The following PCNX4 variants were observed in gnomAD, a reference collection of about 807,000 sequenced individuals.
PCNX4 encodes the protein pecanex 4.
A neutral mutation model predicts 107.2 loss-of-function variants in PCNX4; 103 were observed. The observed-to-expected ratio is 0.96, with a 90% confidence interval of 0.82 to 1.13. PCNX4 has a LOEUF of 1.13. Among genes scored for constraint, PCNX4 ranks in the 50% most tolerant of loss-of-function variants. The pLI, the probability that PCNX4 is intolerant of heterozygous loss-of-function variation, is 0.00. For synonymous variants in PCNX4, 541 were observed against 481.7 expected, an observed-to-expected ratio of 1.12 and a Z score of -1.61; for missense variants, 1,528 against 1,379.4, an observed-to-expected ratio of 1.11 and a Z score of -1.71.
rs376697584 is a variant in PCNX4, at chr14:60,107,878, G to A, written c.240G>A (p.Met80Ile). Residue 80 changes from methionine to isoleucine, a missense_variant, in exon 2 of 11, where the codon ATG becomes ATA. Met to Ile is a conservative substitution (Grantham distance 10, BLOSUM62 1). Transcript: ENST00000406854. ...CAGCAGCACTTTCAGGTGGATTAAT[G>A]CTTTTTACTGCATTTGTCATCCAGT... ...YYTAALSGGL[M>I]LFTAFVIQFT... is the part of the protein sequence containing the mutation. The A allele has an allele frequency of 3.1e-6, 5 of 1,612,840 alleles. No homozygotes were observed. The highest frequency in any genetic ancestry group is 4.2e-6 in the Non-Finnish European group (5 of 1,179,874).
At chr14:60,114,930 T>A in intron 3 of PCNX4, 44 bp from the exon 4 acceptor site, 1 of 1,548,684 alleles carries the variant, frequency 6.5e-7, no homozygotes, top group Non-Finnish European at 8.6e-7. Flanking sequence ...AAAGAACATT[T>A]TTCTTTTCAA....
chr14:60,104,855 G>A (rs972451707), intron 1 of PCNX4, among the ~76,000 whole-genome samples: 10 of 152,164 alleles, frequency 6.6e-5, no homozygotes, highest in African/African-American at 2.4e-4. Flanking sequence ...TTTGGGTGGG[G>A]AAACAGCCAA....
In PCNX4 at chr14:60,108,058, A is replaced by C; in HGVS notation, c.420A>C (p.Thr140=). 6.2e-7 allele frequency: 1 copy of C among 1,612,872 alleles called. No individual in the cohort carries two copies. The highest frequency in any genetic ancestry group is 8.5e-7 in the Non-Finnish European group (1 of 1,179,888). ...CTGGCAAGAAATATGTAGCCAATAC[A>C]GTTTTTCATTCTATTCTTGCTGGAT... ...LIPGKKYVAN[T]VFHSILAGLA... The change falls in exon 2 of 11, where the codon ACA becomes ACC. Residue 140 remains threonine, a synonymous_variant. Transcript: ENST00000406854.
At chr14:60,123,043 C>T (rs983682180) in intron 8 of PCNX4, among the ~76,000 whole-genome samples, 12 of 152,016 alleles carry the variant, frequency 7.9e-5, no homozygotes, top group Non-Finnish European at 1.0e-4. Flanking sequence ...AACAGCGCTC[C>T]GAGTGATGCT....
At position 60,118,464 on chromosome 14, in the gene PCNX4, T is replaced by C. The variant is rs1411871682; in HGVS notation, c.1714T>C (p.Phe572Leu). ...CACTTTATGTATACTCAACATTGTC[T>C]TTTCTCCATTCGTGTTGGTCATCAT... ...TATLCILNIV[F>L]SPFVLVIIVF... Residue 572 changes from phenylalanine to leucine, a missense_variant, in exon 7 of 11, where the codon TTT becomes CTT. Coordinates refer to ENST00000406854, the MANE Select transcript of PCNX4 (RefSeq NM_001330177.2). 1.9e-6 allele frequency: 3 copies of C among 1,613,728 alleles called. No individual in the cohort carries two copies. Among genetic ancestry groups the C allele is most frequent in the Non-Finnish European group, 1.7e-6 (2 of 1,179,810 alleles).
rs1266017696 is a variant in PCNX4 at position 60,107,618 on chromosome 14, T to C, written c.-21T>C. ...TGTGTTACAGAAAAGCATGTGACTT[T>C]CAGAATAATCCCGAGTGAGGATGAG... On this transcript the variant is annotated 5_prime_UTR_variant, in exon 2 of 11. Transcript: ENST00000406854. 1.3e-6 allele frequency: 2 copies of C among 1,565,646 alleles called. No homozygotes were observed. The highest frequency in any genetic ancestry group is 1.7e-6 in the Non-Finnish European group (2 of 1,154,768).
intron 1 of PCNX4, among the ~76,000 whole-genome samples, chr14:60,097,905 C>T (rs1466944763): frequency 6.6e-6 from 1 of 152,208 alleles, no homozygotes; most frequent in Non-Finnish European, 1.5e-5. Context: ...TGTCTGTCCC[C>T]TTGTCAGCAG....
chr14:60,098,968 A>T (rs994120289), intron 1 of PCNX4, among the ~76,000 whole-genome samples: 5 of 151,494 alleles, frequency 3.3e-5, no homozygotes, highest in Non-Finnish European at 7.4e-5. Flanking sequence ...GAAAGAAAAG[A>T]CTCCAGAATT....
At chr14:60,117,491 C>T (rs1163627548) in intron 6 of PCNX4, among the ~76,000 whole-genome samples, 1 of 152,178 alleles carries the variant, frequency 6.6e-6, no homozygotes, top group Admixed American at 6.5e-5. Flanking sequence ...CTATAATATT[C>T]ACTCAATGAT....
Position 60,127,648 on chromosome 14 carries a change from A to T in PCNX4, c.3267+1825A>T, listed in dbSNP as rs79434125. ...ATAATAACAAGCCCTGGAGTTAGGA[A>T]TGAAGAGGACCAGCACCCAGAATTT... is the stretch of plus-strand genomic sequence containing the variant. On this transcript the variant is annotated intron_variant, in intron 10 of 10. Coordinates refer to ENST00000406854, the MANE Select transcript of PCNX4 (RefSeq NM_001330177.2). 2.5e-3 allele frequency among the ~76,000 whole-genome samples: 377 copies of T among 152,320 alleles called. 1 individual carries two copies. The highest frequency in any genetic ancestry group is 8.8e-3 in the African/African-American group (365 of 41,568).
At chr14:60,114,572 T>C in intron 2 of PCNX4, 128 bp from the exon 3 acceptor site, 2 of 718,368 alleles carry the variant, frequency 2.8e-6, no homozygotes, top group Non-Finnish European at 4.4e-6. Context: ...CTAAGACTTT[T>C]CTGTGGTGTG....
intron 7 of PCNX4, among the ~76,000 whole-genome samples, chr14:60,119,503 G>A (rs1290067369): frequency 1.3e-5 from 2 of 151,970 alleles, no homozygotes; most frequent in East Asian, 1.9e-4. Flanking sequence ...CTTACTTCAG[G>A]TTGAACTTTT....
intron 6 of PCNX4, 98 bp from the exon 7 acceptor site, chr14:60,118,231 G>A (rs990365375): frequency 9.1e-6 from 12 of 1,311,706 alleles, no homozygotes; most frequent in Non-Finnish European, 1.1e-5. Flanking sequence ...AAATACTGGG[G>A]CAATAATAAA....
intron 8 of PCNX4, among the ~76,000 whole-genome samples, chr14:60,121,606 A>G (rs1895957654): frequency 6.6e-6 from 1 of 152,016 alleles, no homozygotes; most frequent in Admixed American, 6.6e-5. Context: ...CTCCTATATC[A>G]TTTAAGCATT....
At chr14:60,104,524 G>A (rs148266685) in intron 1 of PCNX4, among the ~76,000 whole-genome samples, 169 of 152,220 alleles carry the variant, frequency 1.1e-3, no homozygotes, top group African/African-American at 4.0e-3. Flanking sequence ...GTATTCATCT[G>A]TTTTCACACT....
intron 7 of PCNX4, among the ~76,000 whole-genome samples, 157 bp from the exon 8 acceptor site, chr14:60,121,039 C>T (rs1595173421): frequency 6.6e-6 from 1 of 151,824 alleles, no homozygotes; most frequent in East Asian, 1.9e-4. Context: ...CCTCCTGATA[C>T]ACATGAATAG....
intron 1 of PCNX4, among the ~76,000 whole-genome samples, chr14:60,097,958 A>T (rs562709491): frequency 3.9e-5 from 6 of 152,080 alleles, no homozygotes; most frequent in Admixed American, 2.0e-4. Flanking sequence ...CATTTTTATA[A>T]CTACAGGGTC....
Position 60,114,824 on chromosome 14 carries a change from A to T in PCNX4, c.814A>T (p.Met272Leu). ...PPPDALLLWAMEQVLEFGLGG... is the reference protein window; with the variant it reads ...PPPDALLLWALEQVLEFGLGG... ...ACCCGATGCACTTCTCTTATGGGCA[A>T]TGGAGCAGGTTTTAGAGTTCGGCCT... is the stretch of plus-strand genomic sequence containing the variant. The change falls in exon 3 of 11, where the codon ATG becomes TTG. Residue 272 changes from methionine to leucine, a missense_variant. Coordinates refer to ENST00000406854, the MANE Select transcript of PCNX4 (RefSeq NM_001330177.2). 2 of 1,613,844 alleles carry T rather than the reference A, an allele frequency of 1.2e-6. No individual in the cohort carries two copies. Among genetic ancestry groups the T allele is most frequent in the Non-Finnish European group, 1.7e-6 (2 of 1,179,810 alleles).
rs571070822 is a variant in PCNX4 at position 60,123,033 on chromosome 14, A to G, written c.2047-1185A>G. Among the ~76,000 whole-genome samples, 47 of 152,234 alleles carry G rather than the reference A, an allele frequency of 3.1e-4. No homozygotes were observed. The South Asian group carries it at 3.1e-3, about 10-fold the overall frequency. On this transcript the variant is annotated intron_variant, in intron 8 of 10. Coordinates refer to ENST00000406854, the MANE Select transcript of PCNX4 (RefSeq NM_001330177.2). ...GGTGGGATCAGCAACCTGTATTTCA[A>G]ACAGCGCTCCGAGTGATGCTGACTC...
Sources: allele counts gnomAD v4.1 joint callset (sites outside exome capture counted in the v4.1 genomes callset), GRCh38; gene constraint gnomAD v4.1.1; transcripts MANE v1.5; gene names NCBI Gene and HGNC (gene_info 2026-07-23, HGNC 2026-07-21).